The following COP1 variants were observed in gnomAD, a reference collection of about 807,000 sequenced individuals.
COP1 encodes the protein E3 ubiquitin-protein ligase COP1.
COP1 carries 24 observed loss-of-function variants against 101.3 expected under a neutral mutation model. That is an observed-to-expected ratio of 0.24 (90% CI 0.17 to 0.33). The LOEUF (loss-of-function observed/expected upper bound fraction) is 0.33, where lower values mean the gene tolerates loss of function less well. Among genes scored for constraint, COP1 ranks in the 10% least tolerant of loss-of-function variants. The pLI, the probability that COP1 is intolerant of heterozygous loss-of-function variation, is 1.00. For synonymous variants in COP1, 347 were observed against 341.9 expected, an observed-to-expected ratio of 1.01 and a Z score of -0.17; for missense variants, 663 against 906.2, an observed-to-expected ratio of 0.73 and a Z score of 3.45.
chr1:176,195,259 G>C (rs900945258), intron 1 of COP1, among the ~76,000 whole-genome samples: 4 of 152,184 alleles, frequency 2.6e-5, no homozygotes, highest in Non-Finnish European at 4.4e-5. Context: ...CAGGAATAAA[G>C]AGTGACATTT....
chr1:176,060,379 T>C (rs919442974), intron 11 of COP1, among the ~76,000 whole-genome samples: 13 of 152,298 alleles, frequency 8.5e-5, no homozygotes, highest in African/African-American at 2.9e-4. Context: ...CAGAACAACA[T>C]CTAGTAGAGA....
At chr1:175,951,440 AT>A (rs1649892321) in intron 18 of COP1, among the ~76,000 whole-genome samples, 1 of 79,514 alleles carries the variant, frequency 1.3e-5, no homozygotes, top group African/African-American at 4.2e-5. Context: ...ATACGTGAAT[AT>A]ATATATATAT....
At chr1:175,947,118 A>G in intron 19 of COP1, 77 bp downstream of exon 19, 1 of 977,628 alleles carries the variant, frequency 1.0e-6, no homozygotes, top group East Asian at 2.4e-5. Context: ...GGCTCAGTAC[A>G]ATGGTGTATT....
chr1:176,181,421 A>G (rs1465207368), intron 2 of COP1, among the ~76,000 whole-genome samples: 2 of 87,124 alleles, frequency 2.3e-5, no homozygotes, highest in Non-Finnish European at 5.8e-5. Flanking sequence ...GCTTTAAACA[A>G]AACTGCAAAA....
intron 14 of COP1, among the ~76,000 whole-genome samples, chr1:176,029,859 C>A (rs1191825519): frequency 6.6e-6 from 1 of 152,124 alleles, no homozygotes; most frequent in East Asian, 1.9e-4. Context: ...TAATCATTAT[C>A]AAAAAATATT....
At chr1:175,996,278 C>T (rs1404319386) in intron 15 of COP1, among the ~76,000 whole-genome samples, 312 of 152,306 alleles carry the variant, frequency 2.0e-3, no homozygotes, top group Middle Eastern at 3.4e-3. Context: ...ATGACCAACC[C>T]GCAGCCAATA....
At chr1:176,201,333 CT>C (rs1463208957) in intron 1 of COP1, among the ~76,000 whole-genome samples, 52 of 152,200 alleles carry the variant, frequency 3.4e-4, no homozygotes, top group Non-Finnish European at 2.4e-4. Flanking sequence ...TCCTCCCAAG[CT>C]GTGGAAGTTT....
chr1:176,183,560 T>C (rs576699586), intron 2 of COP1, among the ~76,000 whole-genome samples: 3 of 152,224 alleles, frequency 2.0e-5, no homozygotes, highest in African/African-American at 7.2e-5. Flanking sequence ...CTCAAAAAAT[T>C]ACAAACAAAA....
intron 9 of COP1, among the ~76,000 whole-genome samples, chr1:176,100,874 G>A (rs915236020): frequency 1.3e-5 from 2 of 151,878 alleles, no homozygotes; most frequent in African/African-American, 2.4e-5. Context: ...CACCCCCCAA[G>A]ACACATTTTT....
chr1:175,970,891 A>T (rs1369866468), intron 18 of COP1, among the ~76,000 whole-genome samples: 1 of 152,236 alleles, frequency 6.6e-6, no homozygotes, highest in African/African-American at 2.4e-5. Context: ...AAAGGTAACA[A>T]GCAATGTTTG....
intron 11 of COP1, among the ~76,000 whole-genome samples, chr1:176,050,477 T>A (rs1672348214): frequency 6.6e-6 from 1 of 152,182 alleles, no homozygotes; most frequent in South Asian, 2.1e-4. Flanking sequence ...CCAACTTATA[T>A]CAAATTAAAA....
chr1:176,079,306 T>G (rs749329301), intron 11 of COP1, among the ~76,000 whole-genome samples: 5 of 151,994 alleles, frequency 3.3e-5, no homozygotes, highest in Non-Finnish European at 5.9e-5. Context: ...CCTTAAAAAA[T>G]AATAAAACCA....
chr1:176,020,542 G>A (rs1474053350), intron 15 of COP1, among the ~76,000 whole-genome samples: 1 of 151,990 alleles, frequency 6.6e-6, no homozygotes, highest in South Asian at 2.1e-4. Context: ...GCCAGGCGAG[G>A]TAGTGCATGC....
chr1:176,104,732 G>A (rs1684019166), intron 9 of COP1, among the ~76,000 whole-genome samples: 1 of 152,002 alleles, frequency 6.6e-6, no homozygotes, highest in Admixed American at 6.6e-5. Context: ...GCTTTTGGAG[G>A]GTGGTTTATT....
intron 11 of COP1, 104 bp downstream of exon 11, chr1:176,081,048 C>T: frequency 1.9e-6 from 2 of 1,048,356 alleles, no homozygotes; most frequent in Middle Eastern, 2.3e-4. Context: ...TGGCAGGCTA[C>T]TTCAGAACCC....
chr1:175,993,674 C>T (rs538343103), intron 15 of COP1, among the ~76,000 whole-genome samples: 48 of 151,932 alleles, frequency 3.2e-4, no homozygotes, highest in African/African-American at 9.2e-4. Flanking sequence ...TGAAATGAAG[C>T]GAGAAGGGAA....
intron 5 of COP1, among the ~76,000 whole-genome samples, chr1:176,157,808 G>A (rs1263491309): frequency 6.6e-6 from 1 of 151,800 alleles, no homozygotes; most frequent in Non-Finnish European, 1.5e-5. Flanking sequence ...CTACAATAAG[G>A]GAAAAAGTCA....
At chr1:176,042,873 A>G (rs769376403) in intron 14 of COP1, among the ~76,000 whole-genome samples, 1 of 150,036 alleles carries the variant, frequency 6.7e-6, no homozygotes, top group Non-Finnish European at 1.5e-5. Flanking sequence ...TACCAAAAAT[A>G]TAAAAATTAG....
chr1:175,983,954 C>A (rs1170732910), intron 18 of COP1, among the ~76,000 whole-genome samples: 1 of 152,152 alleles, frequency 6.6e-6, no homozygotes, highest in African/African-American at 2.4e-5. Flanking sequence ...GACCTGAATG[C>A]TGTTAAAGGC....
Sources: gnomAD v4.1 joint callset for allele counts (sites outside exome capture counted in the v4.1 genomes callset) on GRCh38, gnomAD v4.1.1 for gene constraint, MANE v1.5 for transcripts, NCBI Gene and HGNC (gene_info 2026-07-23, HGNC 2026-07-21) for gene names.